NEBL: variants seen among roughly 807,000 people sequenced by gnomAD.
NEBL encodes the protein LIM and SH3 protein 2.
A neutral mutation model predicts 140.2 loss-of-function variants in NEBL; 122 were observed. The ratio of observed to expected loss-of-function variants is 0.87; its 90% CI spans 0.75 to 1.01. The LOEUF is 1.01. NEBL is among the 50% of genes least tolerant of loss of function. The pLI, the probability that NEBL is intolerant of heterozygous loss-of-function variation, is 0.00. For synonymous variants in NEBL, 436 were observed against 398.9 expected, an observed-to-expected ratio of 1.09 and a Z score of -1.11; for missense variants, 1,365 against 1,231.3, an observed-to-expected ratio of 1.11 and a Z score of -1.62.
intron 4 of NEBL, among the ~76,000 whole-genome samples, chr10:20,931,279 T>A (rs891771894): frequency 6.6e-6 from 1 of 152,106 alleles, no homozygotes; most frequent in African/African-American, 2.4e-5. Context: ...TAAAAAAAAA[T>A]CTTTGGCACA....
chr10:20,789,256 T>A (rs891492343), intron 26 of NEBL, among the ~76,000 whole-genome samples: 3 of 152,202 alleles, frequency 2.0e-5, no homozygotes, highest in African/African-American at 7.2e-5. Flanking sequence ...ATTTGTAAAG[T>A]TTGAAAGATT....
At chr10:21,246,481 G>A (rs1386107198) in intron 3 of NEBL, among the ~76,000 whole-genome samples, 1 of 152,122 alleles carries the variant, frequency 6.6e-6, no homozygotes. Flanking sequence ...AGGGATAAGT[G>A]AGTCCTTTTT....
At chr10:21,029,314 G>A (rs1258291775) in intron 2 of NEBL, 75 of 1,609,846 alleles carry the variant, frequency 4.7e-5, no homozygotes, top group Non-Finnish European at 6.3e-5. Flanking sequence ...CCTATCCTAT[G>A]ATGTGACAGA....
At chr10:21,231,003 A>G (rs760641555) in intron 3 of NEBL, among the ~76,000 whole-genome samples, 34 of 152,334 alleles carry the variant, frequency 2.2e-4, no homozygotes, top group Admixed American at 1.7e-3. Context: ...GCTTTACTGT[A>G]TGTCTTCCGT....
intron 2 of NEBL, among the ~76,000 whole-genome samples, chr10:21,067,316 G>T (rs1835612841): frequency 6.6e-6 from 1 of 152,116 alleles, no homozygotes; most frequent in African/African-American, 2.4e-5. Context: ...GCTGGAGAGT[G>T]CTGTTTAAAA....
intron 2 of NEBL, among the ~76,000 whole-genome samples, chr10:21,081,450 T>C (rs1564504378): frequency 6.6e-6 from 1 of 152,300 alleles, no homozygotes; most frequent in East Asian, 1.9e-4. Flanking sequence ...TCATGGCTCC[T>C]AGTGGGAAAA....
At chr10:21,111,876 C>T (rs1838027707) in intron 2 of NEBL, among the ~76,000 whole-genome samples, 1 of 151,832 alleles carries the variant, frequency 6.6e-6, no homozygotes, top group Non-Finnish European at 1.5e-5. Flanking sequence ...CTACAAAGAA[C>T]TTAAACAAAT....
chr10:20,795,196 G>A (rs1050875215), intron 26 of NEBL, among the ~76,000 whole-genome samples: 2 of 152,164 alleles, frequency 1.3e-5, no homozygotes, highest in Non-Finnish European at 2.9e-5. Flanking sequence ...GTTTGAAAAG[G>A]AGGCGGTCAA....
At chr10:21,224,812 G>T (rs930428061) in intron 3 of NEBL, among the ~76,000 whole-genome samples, 1 of 152,110 alleles carries the variant, frequency 6.6e-6, no homozygotes, top group African/African-American at 2.4e-5. Flanking sequence ...ATTGTTCACT[G>T]TTGGCATACA....
At chr10:20,796,718 T>C (rs1836580829) in intron 26 of NEBL, among the ~76,000 whole-genome samples, 2 of 152,214 alleles carry the variant, frequency 1.3e-5, no homozygotes, top group African/African-American at 4.8e-5. Flanking sequence ...TCCATTTTTT[T>C]CCCTCAGATT....
intron 2 of NEBL, among the ~76,000 whole-genome samples, chr10:21,043,557 C>T (rs996655533): frequency 1.3e-5 from 2 of 152,178 alleles, no homozygotes; most frequent in African/African-American, 4.8e-5. Context: ...GACACACATA[C>T]ATGATTAAAG....
chr10:20,893,909 G>T (rs527678199), intron 2 of NEBL, among the ~76,000 whole-genome samples: 3 of 152,140 alleles, frequency 2.0e-5, no homozygotes, highest in Non-Finnish European at 4.4e-5. Context: ...GGCTCTGATG[G>T]TCTACAGATT....
intron 13 of NEBL, among the ~76,000 whole-genome samples, chr10:20,838,908 T>C (rs975118294): frequency 6.6e-6 from 1 of 152,180 alleles, no homozygotes; most frequent in African/African-American, 2.4e-5. Context: ...ATTGCATACT[T>C]CTTAGACTAC....
At chr10:20,899,409 A>G, upstream of NEBL, 1 of 1,304,030 alleles carries the variant, frequency 7.7e-7, no homozygotes, top group Non-Finnish European at 1.0e-6. Flanking sequence ...GTTATTTCTC[A>G]TTTCCCATCA....
intron 3 of NEBL, among the ~76,000 whole-genome samples, chr10:21,000,215 G>A (rs1316708225): frequency 1.7e-5 from 2 of 115,898 alleles, no homozygotes; most frequent in African/African-American, 6.5e-5. Context: ...GGTATAGAGG[G>A]GGCATGGGGG....
chr10:20,926,015 C>T (rs1359588220), intron 4 of NEBL, among the ~76,000 whole-genome samples: 1 of 152,108 alleles, frequency 6.6e-6, no homozygotes, highest in Non-Finnish European at 1.5e-5. Flanking sequence ...CAGCCTGCCA[C>T]CAGTAAATTG....
At chr10:21,222,001 T>C (rs1409129824) in intron 3 of NEBL, among the ~76,000 whole-genome samples, 1 of 152,022 alleles carries the variant, frequency 6.6e-6, no homozygotes, top group Non-Finnish European at 1.5e-5. Flanking sequence ...CCCGTTCTCT[T>C]TGGTGCCCCC....
chr10:20,884,952 CTCTT>C (rs1334751888), intron 4 of NEBL, among the ~76,000 whole-genome samples: 13 of 152,254 alleles, frequency 8.5e-5, no homozygotes, highest in Admixed American at 6.5e-5. Context: ...ACATCTCTCT[CTCTT>C]TTTCTGGCAT....
intron 3 of NEBL, among the ~76,000 whole-genome samples, chr10:21,187,583 G>A (rs989106392): frequency 2.6e-5 from 4 of 151,704 alleles, no homozygotes; most frequent in African/African-American, 7.3e-5. Flanking sequence ...GCATGATCAC[G>A]GCTCGCTGTA....
Sources: gnomAD v4.1 joint callset for allele counts (sites outside exome capture counted in the v4.1 genomes callset) on GRCh38, gnomAD v4.1.1 for gene constraint, MANE v1.5 for transcripts, NCBI Gene and HGNC (gene_info 2026-07-23, HGNC 2026-07-21) for gene names.